The following GAD2 variants were observed in gnomAD, a reference collection of about 807,000 sequenced individuals.
GAD2 encodes the protein glutamate decarboxylase 2.
In GAD2, 22 loss-of-function variants were observed where a neutral mutation model predicts 80.1. The ratio of observed to expected loss-of-function variants is 0.27; its 90% CI spans 0.20 to 0.39. The LOEUF is 0.39. Among genes scored for constraint, GAD2 ranks in the 10% least tolerant of loss-of-function variants. The probability of loss-of-function intolerance (pLI) is 1.00; values close to 1 mark genes in which losing one functional copy is unlikely to be tolerated. For synonymous variants in GAD2, 274 were observed against 256.9 expected, an observed-to-expected ratio of 1.07 and a Z score of -0.64; for missense variants, 624 against 738.4, an observed-to-expected ratio of 0.85 and a Z score of 1.80.
In GAD2 at chr10:26,301,526, G is replaced by C. The variant is rs568162671; in HGVS notation, c.*565G>C. 1.3e-5 allele frequency: 2 copies of C among 151,816 alleles called. No homozygotes were observed. Among genetic ancestry groups the C allele is most frequent in the Non-Finnish European group, 2.9e-5 (2 of 67,968 alleles). 9.4% of individuals were successfully genotyped at this position (151,816 alleles called of 1,614,324 possible). Reference sequence around the variant, plus strand: ...ACATATAGATTTTTATTTTATATAGGTTATACAAACTGCGGGGGCAGATAT... The same window carrying C: ...ACATATAGATTTTTATTTTATATAGCTTATACAAACTGCGGGGGCAGATAT... On this transcript the variant is annotated 3_prime_UTR_variant, in exon 16 of 16. Transcript: ENST00000376261.
chr10:26,233,735 A>G (rs1403810043), intron 7 of GAD2, among the ~76,000 whole-genome samples: 1 of 152,202 alleles, frequency 6.6e-6, no homozygotes, highest in African/African-American at 2.4e-5. Flanking sequence ...TTACCAAGTC[A>G]TTTCTCAAAT....
chr10:26,242,890 G>A (rs1486735637), intron 7 of GAD2, among the ~76,000 whole-genome samples: 7 of 152,176 alleles, frequency 4.6e-5, no homozygotes, highest in Admixed American at 4.6e-4. Flanking sequence ...TAGTGCTTAA[G>A]AGCTCATTCA....
intron 11 of GAD2, among the ~76,000 whole-genome samples, chr10:26,276,828 G>A (rs1453471293): frequency 1.3e-5 from 2 of 152,180 alleles, no homozygotes; most frequent in Non-Finnish European, 2.9e-5. Context: ...ATCACCAGTT[G>A]CTCTCACTCC....
At chr10:26,250,500 T>C (rs917222498) in intron 8 of GAD2, among the ~76,000 whole-genome samples, 2 of 151,522 alleles carry the variant, frequency 1.3e-5, no homozygotes, top group Non-Finnish European at 2.9e-5. Context: ...CTTTGTGGGA[T>C]GAGGGAAGAA....
At chr10:26,241,880 A>C (rs911956733) in intron 7 of GAD2, among the ~76,000 whole-genome samples, 2 of 152,170 alleles carry the variant, frequency 1.3e-5, no homozygotes, top group Non-Finnish European at 2.9e-5. Context: ...TGCTGCTGAC[A>C]GATGTAGTTG....
intron 13 of GAD2, among the ~76,000 whole-genome samples, chr10:26,290,695 C>T (rs1467393881): frequency 6.6e-6 from 1 of 152,174 alleles, no homozygotes; most frequent in African/African-American, 2.4e-5. Context: ...GGAGAATGAT[C>T]ATGACCAGCT....
intron 15 of GAD2, among the ~76,000 whole-genome samples, chr10:26,296,248 T>C (rs541574493): frequency 2.0e-5 from 3 of 152,128 alleles, no homozygotes; most frequent in East Asian, 3.9e-4. Context: ...ATCATCACAT[T>C]GAGGGGTTAA....
intron 6 of GAD2, among the ~76,000 whole-genome samples, chr10:26,229,234 A>T (rs992413089): frequency 5.3e-5 from 8 of 152,042 alleles, no homozygotes; most frequent in African/African-American, 1.4e-4. Context: ...TTACACCAGT[A>T]ACAGCTGATT....
At chr10:26,270,446 C>T (rs186126037) in intron 9 of GAD2, among the ~76,000 whole-genome samples, 194 bp from the exon 10 acceptor site, 1 of 152,324 alleles carries the variant, frequency 6.6e-6, no homozygotes, top group East Asian at 1.9e-4. Flanking sequence ...GGTCCAACAG[C>T]ATAGCCTAGA....
chr10:26,260,444 C>A (rs940948390), intron 8 of GAD2, among the ~76,000 whole-genome samples: 6 of 152,100 alleles, frequency 3.9e-5, no homozygotes, highest in Non-Finnish European at 7.3e-5. Flanking sequence ...GCCTGACCAA[C>A]ATGGTGAAAC....
intron 12 of GAD2, among the ~76,000 whole-genome samples, chr10:26,284,565 T>A (rs970105815): frequency 7.3e-5 from 4 of 55,150 alleles, no homozygotes; most frequent in Non-Finnish European, 8.9e-5. Context: ...GCTGTTCAGC[T>A]TTTTTTTTTT....
At chr10:26,248,406 G>T (rs552712776) in intron 8 of GAD2, among the ~76,000 whole-genome samples, 6 of 152,296 alleles carry the variant, frequency 3.9e-5, no homozygotes, top group Admixed American at 3.3e-4. Context: ...GCAAAGAAAG[G>T]TGGTCAGAGT....
chr10:26,266,590 T>C (rs761399753), intron 8 of GAD2, among the ~76,000 whole-genome samples: 2 of 152,158 alleles, frequency 1.3e-5, no homozygotes, highest in Non-Finnish European at 2.9e-5. Context: ...AAAACAAATA[T>C]AGTTTTGGAA....
rs1218101121 is a variant in GAD2, at chr10:26,252,347, C to CTTT, written c.920+6352_920+6354dup. Among the ~76,000 whole-genome samples, 112 of 150,132 alleles carry CTTT rather than the reference C, an allele frequency of 7.5e-4. 1 individual carries two copies. The highest frequency in any genetic ancestry group is 2.6e-3 in the African/African-American group (105 of 40,596). ...GATCCTGCGAGGTACATTTTTTTTT[C>CTTT]TTTTTTTCTTTTTGAGACAAGGTCT... On this transcript the variant is annotated intron_variant, in intron 8 of 15. Coordinates refer to ENST00000376261, the MANE Select transcript of GAD2 (RefSeq NM_001134366.2).
At chr10:26,216,729 G>C (rs904446171), upstream of GAD2, 37 of 1,241,688 alleles carry the variant, frequency 3.0e-5, no homozygotes, top group Non-Finnish European at 4.2e-5. This position sits in a 1 kb window ranked among gnomAD's most constrained non-coding sequence, Gnocchi z 4.7. Flanking sequence ...ACACGGGCAC[G>C]CACGCGCGCG....
intron 14 of GAD2, 49 bp from the exon 15 acceptor site, chr10:26,292,853 C>A: frequency 1.3e-6 from 2 of 1,492,614 alleles, no homozygotes; most frequent in South Asian, 1.1e-5. Context: ...TTGGAATTTT[C>A]AAAATTGCCA....
At chr10:26,241,057 AAGAG>A (rs1249274508) in intron 7 of GAD2, among the ~76,000 whole-genome samples, 2 of 152,158 alleles carry the variant, frequency 1.3e-5, no homozygotes, top group East Asian at 3.8e-4. Context: ...AGAAAAAAAA[AAGAG>A]AGAGTGAGAG....
At position 26,217,773 on chromosome 10, in the gene GAD2, G is replaced by T; in HGVS notation, c.137-69G>T. 1 of 1,579,878 alleles carries T rather than the reference G, an allele frequency of 6.3e-7. No homozygotes were observed. Among genetic ancestry groups the T allele is most frequent in the Non-Finnish European group, 8.6e-7 (1 of 1,161,864 alleles). ...CGGAGTCGGGGTTTCCTGGCTGCGG[G>T]TAGGCGGGAGCGAGGGAGCCGGGCC... On this transcript the variant is annotated intron_variant, in intron 2 of 15. Transcript: ENST00000376261. This position sits in a 1 kb window ranked among gnomAD's most constrained non-coding sequence, Gnocchi z 4.9.
chr10:26,292,485 G>C lies in GAD2; in HGVS notation c.1407G>C (p.Ala469=). ...WRAKGTTGFE[A]HVDKCLELAE... is the part of the protein sequence containing the mutation. ...CCTAGGGGACTACCGGGTTTGAAGC[G>C]CATGTTGATAAATGTTTGGAGTTGG... The change falls in exon 14 of 16, where the codon GCG becomes GCC. Residue 469 remains alanine, a synonymous_variant. Coordinates refer to ENST00000376261, the MANE Select transcript of GAD2 (RefSeq NM_001134366.2). 6.2e-7 allele frequency: 1 copy of C among 1,613,896 alleles called. No homozygotes were observed. The highest frequency in any genetic ancestry group is 2.2e-5 in the East Asian group (1 of 44,874).
Sources: gnomAD v4.1 joint callset for allele counts (sites outside exome capture counted in the v4.1 genomes callset) on GRCh38, gnomAD v4.1.1 for gene constraint, Gnocchi (gnomAD v3.1) non-coding constraint, MANE v1.5 for transcripts, NCBI Gene and HGNC (gene_info 2026-07-23, HGNC 2026-07-21) for gene names.